CREB3L3: variants seen among roughly 807,000 people sequenced by gnomAD.
The protein encoded by CREB3L3 is cyclic AMP-responsive element-binding protein 3-like protein 3.
Under a neutral mutation model 44.6 loss-of-function variants are expected in CREB3L3, and 40 were observed. The observed-to-expected ratio is 0.90, with a 90% CI of 0.70 to 1.17. The LOEUF is 1.17. Ranked by LOEUF, CREB3L3 falls within the 50% of genes most tolerant of loss-of-function variation. The pLI is 0.00. For synonymous variants in CREB3L3, 273 were observed against 256.3 expected, an observed-to-expected ratio of 1.06 and a Z score of -0.62; for missense variants, 578 against 595.8, an observed-to-expected ratio of 0.97 and a Z score of 0.31.
chr19:4,153,692 C>A lies in CREB3L3; in HGVS notation c.-56C>A, dbSNP rs1195500849. 2 of 1,610,794 alleles carry A rather than the reference C, an allele frequency of 1.2e-6. No homozygotes were observed. The highest frequency in any genetic ancestry group is 1.7e-6 in the Non-Finnish European group (2 of 1,177,934). On this transcript the variant is annotated 5_prime_UTR_variant, in exon 1 of 10. Transcript: ENST00000078445. ...CAGGTAACGCTGGCGGTGGGTGGGC[C>A]TCCAGCTTGGAGCAGAGACCCCCCG...
rs190477261 is a variant in CREB3L3 at position 4,167,213 on chromosome 19, T to A, written c.715-1138T>A. Among the ~76,000 whole-genome samples, 654 of 151,936 alleles carry A rather than the reference T, an allele frequency of 4.3e-3. 4 individuals are homozygous for A. Among genetic ancestry groups the A allele is most frequent in the African/African-American group, 0.015 (604 of 41,452 alleles). On this transcript the variant is annotated intron_variant, in intron 5 of 9. Transcript: ENST00000078445. ...CAAAAATTAGCCAGGCATGGTGTTG[T>A]GCACCTGTAATCCCAGCTACTTGGG...
chr19:4,158,135 G>T (rs1325734017), intron 3 of CREB3L3, among the ~76,000 whole-genome samples: 1 of 152,134 alleles, frequency 6.6e-6, no homozygotes, highest in African/African-American at 2.4e-5. Context: ...GAGATACTTG[G>T]CCTCTGGGTG....
intron 4 of CREB3L3, among the ~76,000 whole-genome samples, chr19:4,164,042 C>T (rs1181130586): frequency 3.5e-5 from 5 of 144,808 alleles, no homozygotes; most frequent in Admixed American, 2.2e-4. Context: ...GGCACAATCT[C>T]GGCTCACTGC....
intron 6 of CREB3L3, 26 bp from the exon 7 acceptor site, chr19:4,170,114 A>G (rs1458829721): frequency 5.0e-6 from 8 of 1,612,744 alleles, no homozygotes; most frequent in Non-Finnish European, 6.8e-6. Flanking sequence ...CATATGCTGA[A>G]TGTCGATGCG....
intron 6 of CREB3L3, among the ~76,000 whole-genome samples, chr19:4,168,691 A>G (rs1010215573): frequency 6.6e-6 from 1 of 152,104 alleles, no homozygotes; most frequent in African/African-American, 2.4e-5. Context: ...AAAAGGACAA[A>G]GTGTGACCCA....
chr19:4,166,598 G>T (rs1431811519), intron 5 of CREB3L3, among the ~76,000 whole-genome samples: 1 of 149,310 alleles, frequency 6.7e-6, no homozygotes, highest in East Asian at 2.0e-4. Context: ...GTCTTGCTAT[G>T]TTGCCCAGGC....
At chr19:4,158,194 G>C (rs996790512) in intron 3 of CREB3L3, among the ~76,000 whole-genome samples, 10 of 151,094 alleles carry the variant, frequency 6.6e-5, no homozygotes, top group African/African-American at 2.5e-4. Flanking sequence ...TCCCATTGGA[G>C]AGTTGACAAA....
intron 5 of CREB3L3, among the ~76,000 whole-genome samples, chr19:4,167,597 A>G (rs1966945719): frequency 6.6e-6 from 1 of 152,054 alleles, no homozygotes; most frequent in South Asian, 2.1e-4. Flanking sequence ...AAACGTAAGA[A>G]AGAAGAAAAA....
chr19:4,154,130 G>A (rs950134448), intron 1 of CREB3L3, among the ~76,000 whole-genome samples: 6 of 151,968 alleles, frequency 3.9e-5, no homozygotes, highest in Non-Finnish European at 8.8e-5. Context: ...AGAGTGCAAT[G>A]GCACGATCTC....
chr19:4,164,443 A>G, intron 4 of CREB3L3, 60 bp from the exon 5 acceptor site: 12 of 1,608,406 alleles, frequency 7.5e-6, no homozygotes, highest in South Asian at 1.1e-5. Flanking sequence ...TACCTCTTTC[A>G]TTTCCTGAAG....
At chr19:4,164,962 G>C (rs932053136) in intron 5 of CREB3L3, among the ~76,000 whole-genome samples, 45 of 152,104 alleles carry the variant, frequency 3.0e-4, no homozygotes, top group African/African-American at 1.0e-3. Context: ...TCCTGCCTCG[G>C]TCTCCCAAAG....
intron 3 of CREB3L3, among the ~76,000 whole-genome samples, chr19:4,159,398 G>A (rs1361570392): frequency 9.0e-6 from 1 of 111,320 alleles, no homozygotes; most frequent in Non-Finnish European, 2.1e-5. Context: ...TGATCCGCCT[G>A]CCTTGGCCTC....
At chr19:4,162,705 G>A (rs897529036) in intron 4 of CREB3L3, among the ~76,000 whole-genome samples, 3 of 151,602 alleles carry the variant, frequency 2.0e-5, no homozygotes, top group Non-Finnish European at 4.4e-5. Flanking sequence ...AAAGATGGGT[G>A]TGGTGGCTCA....
intron 5 of CREB3L3, among the ~76,000 whole-genome samples, chr19:4,165,878 A>G (rs1966894815): frequency 6.6e-6 from 1 of 152,040 alleles, no homozygotes. Context: ...ACTCTGTCAA[A>G]ACAAAAACAA....
At chr19:4,165,785 G>T (rs1045393459) in intron 5 of CREB3L3, among the ~76,000 whole-genome samples, 3 of 152,036 alleles carry the variant, frequency 2.0e-5, no homozygotes, top group Non-Finnish European at 2.9e-5. Flanking sequence ...TGAGGCAGGA[G>T]GATCTCCCTT....
chr19:4,157,677 T>C (rs1468652681), intron 3 of CREB3L3, among the ~76,000 whole-genome samples: 2 of 152,046 alleles, frequency 1.3e-5, no homozygotes, highest in East Asian at 3.9e-4. Flanking sequence ...TAGATTTTTT[T>C]TTATTTTTTA....
At chr19:4,155,096 G>A (rs373184228) in intron 2 of CREB3L3, 69 bp downstream of exon 2, 11 of 1,585,558 alleles carry the variant, frequency 6.9e-6, no homozygotes, top group Middle Eastern at 2.0e-4. Flanking sequence ...CCCCACGAAG[G>A]TGCTAGACCC....
chr19:4,161,372 T>G (rs1417397632), intron 4 of CREB3L3, among the ~76,000 whole-genome samples: 2 of 152,098 alleles, frequency 1.3e-5, no homozygotes, highest in African/African-American at 4.8e-5. Context: ...CTTTGTCCTC[T>G]CACAGTGCTG....
At chr19:4,170,084 TG>T (rs1380339422) in intron 6 of CREB3L3, 55 bp from the exon 7 acceptor site, 2 of 1,543,930 alleles carry the variant, frequency 1.3e-6, no homozygotes, top group Non-Finnish European at 1.8e-6. Flanking sequence ...GAGATGTCAG[TG>T]GGGCCAGCTG....
Sources: allele counts gnomAD v4.1 joint callset (sites outside exome capture counted in the v4.1 genomes callset), GRCh38; gene constraint gnomAD v4.1.1; transcripts MANE v1.5; gene names NCBI Gene and HGNC (gene_info 2026-07-23, HGNC 2026-07-21).